UNC13C: variants seen among roughly 807,000 people sequenced by gnomAD.
UNC13C encodes unc-13 homolog C, also known as protein unc-13 homolog C.
In UNC13C, 174 loss-of-function variants were observed where a neutral mutation model predicts 245.4. The observed-to-expected ratio is 0.71, with a 90% confidence interval of 0.63 to 0.80. UNC13C has a LOEUF of 0.80. Ranked by LOEUF, UNC13C falls within the 30% of genes least tolerant of loss-of-function variation. The pLI is 0.00. For synonymous variants in UNC13C, 992 were observed against 895.1 expected (o/e 1.11, Z -1.93); for missense variants, 2,829 against 2,602.9 (o/e 1.09, Z -1.89).
intron 30 of UNC13C, among the ~76,000 whole-genome samples, chr15:54,589,883 T>G (rs1898693716): frequency 6.6e-6 from 1 of 152,068 alleles, no homozygotes; most frequent in South Asian, 2.1e-4. Flanking sequence ...TATAGGAGGG[T>G]TTTTCCAATG....
chr15:53,945,439 T>C, the UNC13C span, among the ~76,000 whole-genome samples: 2 of 152,072 alleles, frequency 1.3e-5, no homozygotes, highest in Non-Finnish European at 2.9e-5. Context: ...AAGAAGGGGG[T>C]CCAGTTTCAG....
chr15:54,290,807 T>C (rs1216212982), intron 10 of UNC13C, among the ~76,000 whole-genome samples: 1 of 152,082 alleles, frequency 6.6e-6, no homozygotes, highest in Non-Finnish European at 1.5e-5. Context: ...TAGAAATGTT[T>C]ACCAATCTTT....
the UNC13C span, among the ~76,000 whole-genome samples, chr15:53,936,224 G>T: frequency 1.3e-5 from 2 of 152,320 alleles, no homozygotes; most frequent in South Asian, 4.1e-4. Context: ...AGTCTGGGCA[G>T]TCCAGAACAG....
At chr15:54,190,822 G>C (rs2034157881) in intron 4 of UNC13C, among the ~76,000 whole-genome samples, 1 of 151,828 alleles carries the variant, frequency 6.6e-6, no homozygotes, top group African/African-American at 2.4e-5. Flanking sequence ...TGATATAACA[G>C]GCCTAGTTCT....
At chr15:54,300,858 T>C (rs1203367945) in intron 13 of UNC13C, among the ~76,000 whole-genome samples, 1 of 152,206 alleles carries the variant, frequency 6.6e-6, no homozygotes, top group Non-Finnish European at 1.5e-5. Context: ...TATGGTGTCT[T>C]GTTCCAAATT....
chr15:53,847,960 T>C, the UNC13C span, among the ~76,000 whole-genome samples: 1 of 152,162 alleles, frequency 6.6e-6, no homozygotes, highest in African/African-American at 2.4e-5. Context: ...TTATTGAGGA[T>C]GGGCACATGA....
intron 30 of UNC13C, 77 bp from the exon 31 acceptor site, chr15:54,622,250 T>G (rs539947317): frequency 1.0e-6 from 1 of 961,728 alleles, no homozygotes; most frequent in South Asian, 1.3e-5. Context: ...CATTTTATGT[T>G]TTTTATGCAT....
At chr15:53,913,888 C>T in the UNC13C span, 1 of 152,258 alleles carries the variant, frequency 6.6e-6, no homozygotes, top group African/African-American at 2.4e-5. Flanking sequence ...CTAGTACTAA[C>T]ACCATATGGG....
chr15:54,263,315 T>C (rs570706660), intron 8 of UNC13C, among the ~76,000 whole-genome samples: 49 of 152,122 alleles, frequency 3.2e-4, no homozygotes, highest in Non-Finnish European at 3.1e-4. Context: ...CACTAAGGAA[T>C]TGTGGAAATT....
intron 2 of UNC13C, among the ~76,000 whole-genome samples, chr15:54,086,397 A>T (rs1899240002): frequency 6.6e-6 from 1 of 152,230 alleles, no homozygotes; most frequent in South Asian, 2.1e-4. Context: ...CTCAGAAATT[A>T]TGTTCCTTAT....
At chr15:53,855,311 G>A in the UNC13C span, among the ~76,000 whole-genome samples, 1 of 152,054 alleles carries the variant, frequency 6.6e-6, no homozygotes, top group Non-Finnish European at 1.5e-5. Flanking sequence ...GATTGCCCTG[G>A]CCAGAGCTTC....
the UNC13C span, among the ~76,000 whole-genome samples, chr15:53,961,763 T>C: frequency 2.0e-5 from 3 of 152,194 alleles, no homozygotes; most frequent in Non-Finnish European, 4.4e-5. Flanking sequence ...GTTTCCTATT[T>C]ACCACACACA....
chr15:54,253,907 T>C (rs780630138), intron 8 of UNC13C, among the ~76,000 whole-genome samples: 1 of 152,192 alleles, frequency 6.6e-6, no homozygotes, highest in African/African-American at 2.4e-5. Flanking sequence ...AAAGAAGGAA[T>C]CCCAGAGTCT....
At chr15:54,538,054 G>A (rs1896063279) in intron 26 of UNC13C, among the ~76,000 whole-genome samples, 1 of 134,100 alleles carries the variant, frequency 7.5e-6, no homozygotes, top group Non-Finnish European at 1.5e-5. Context: ...TTACAGAATA[G>A]GAGAAAATAT....
chr15:54,104,807 T>G (rs1004695624), intron 2 of UNC13C, among the ~76,000 whole-genome samples: 3 of 152,202 alleles, frequency 2.0e-5, no homozygotes. Flanking sequence ...TTTCATTGTT[T>G]TGTAATCCTT....
intron 4 of UNC13C, among the ~76,000 whole-genome samples, chr15:54,234,482 T>A (rs533687657): frequency 6.6e-6 from 1 of 152,326 alleles, no homozygotes; most frequent in South Asian, 2.1e-4. Flanking sequence ...CTTATTTTAA[T>A]TCTGTGCATT....
chr15:54,591,273 G>A (rs1898774109), intron 30 of UNC13C, among the ~76,000 whole-genome samples: 1 of 152,026 alleles, frequency 6.6e-6, no homozygotes, highest in African/African-American at 2.4e-5. Flanking sequence ...GTCCTTTCCT[G>A]GTTTTGGTAT....
intron 10 of UNC13C, among the ~76,000 whole-genome samples, chr15:54,288,475 G>A (rs2140928052): frequency 6.6e-6 from 1 of 152,062 alleles, no homozygotes; most frequent in African/African-American, 2.4e-5. Flanking sequence ...CCTAGCTGGG[G>A]AGATGCTCTA....
At position 54,293,587 on chromosome 15, in the gene UNC13C, A is replaced by G. The variant is rs148396509; in HGVS notation, c.3819-308A>G. Reference sequence around the variant, plus strand: ...ATTTTTATCAAGATAACTATTGTCAATAGGAAATATGGCATAAGTGAAAAT... The same window carrying G: ...ATTTTTATCAAGATAACTATTGTCAGTAGGAAATATGGCATAAGTGAAAAT... On this transcript the variant is annotated intron_variant, in intron 10 of 32. Coordinates refer to ENST00000260323, the MANE Select transcript of UNC13C (RefSeq NM_001080534.3). Among the ~76,000 whole-genome samples the G allele has an allele frequency of 1.6e-3, 251 of 152,154 alleles. 1 individual carries two copies. Among genetic ancestry groups the G allele is most frequent in the African/African-American group, 5.8e-3 (240 of 41,548 alleles).
Sources: allele counts gnomAD v4.1 joint callset (sites outside exome capture counted in the v4.1 genomes callset), GRCh38; gene constraint gnomAD v4.1.1; transcripts MANE v1.5; gene names NCBI Gene and HGNC (gene_info 2026-07-23, HGNC 2026-07-21).